Variants in GRIA3 observed in about 807,000 individuals in gnomAD.
The protein encoded by GRIA3 is glutamate ionotropic receptor AMPA type subunit 3, also known as glutamate receptor 3.
In GRIA3, 3 loss-of-function variants were observed where a neutral mutation model predicts 63.0. That is an observed-to-expected ratio of 0.05 (90% CI 0.02 to 0.12). The LOEUF (loss-of-function observed/expected upper bound fraction) is 0.12, where lower values mean the gene tolerates loss of function less well. Ranked by LOEUF, GRIA3 falls within the 10% of genes least tolerant of loss-of-function variation. GRIA3 has a pLI of 1.00. For missense variants in GRIA3, 347 were observed against 700.9 expected (o/e 0.50, Z 5.70); for synonymous variants, 274 against 257.9 (o/e 1.06, Z -0.60).
chrX:123,296,310 A>T (rs983446778), intron 3 of GRIA3, among the ~76,000 whole-genome samples: 8 of 111,158 alleles, frequency 7.2e-5, no homozygotes, highest in Admixed American at 9.6e-5. Flanking sequence ...TGCAACCTGT[A>T]CTGCCCTTGG....
Position 123,417,656 on chromosome X carries a change from C to T in GRIA3, c.1755C>T (p.Asp585=). 8.4e-7 allele frequency: 1 copy of T among 1,186,551 alleles called. No homozygotes were observed. The highest frequency in any genetic ancestry group is 1.9e-5 in the South Asian group (1 of 52,398). The change falls in exon 11 of 16, where the codon GAC becomes GAT. Residue 585 remains aspartate, a synonymous_variant. Coordinates refer to ENST00000620443, the MANE Select transcript of GRIA3 (RefSeq NM_007325.5). Reference sequence around the variant, plus strand: ...GTCCTTATGAATGGCACTTGGAAGACAACAATGAAGAACCTCGTGACCCAC... The same window carrying T: ...GTCCTTATGAATGGCACTTGGAAGATAACAATGAAGAACCTCGTGACCCAC... ...RFSPYEWHLE[D]NNEEPRDPQS...
chrX:123,457,344 C>T (rs2045767592), intron 12 of GRIA3, among the ~76,000 whole-genome samples: 1 of 111,675 alleles, frequency 9.0e-6, no homozygotes, highest in Non-Finnish European at 1.9e-5. Context: ...AGTTATATCT[C>T]TGAGGGAGGC....
chrX:123,347,296 T>C (rs1022756116), intron 4 of GRIA3, among the ~76,000 whole-genome samples: 4 of 111,985 alleles, frequency 3.6e-5, no homozygotes, highest in Admixed American at 1.9e-4. Context: ...GAACTAAGCC[T>C]CTATCATTTG....
intron 3 of GRIA3, among the ~76,000 whole-genome samples, chrX:123,318,623 T>C (rs2044848136): frequency 8.9e-6 from 1 of 111,953 alleles, no homozygotes; most frequent in South Asian, 3.8e-4. Flanking sequence ...CATCTCCATG[T>C]GAGACCACCT....
intron 3 of GRIA3, among the ~76,000 whole-genome samples, chrX:123,317,620 C>T (rs1471291939): frequency 1.8e-5 from 2 of 112,219 alleles, no homozygotes; most frequent in Non-Finnish European, 3.8e-5. Context: ...TCCTTTGACT[C>T]CAGGTCACAC....
intron 4 of GRIA3, among the ~76,000 whole-genome samples, chrX:123,341,685 A>C (rs1167572306): frequency 8.9e-6 from 1 of 112,614 alleles, no homozygotes; most frequent in Non-Finnish European, 1.9e-5. Context: ...AGAAATTAGA[A>C]TATCACGTAC....
At chrX:123,438,423 T>C (rs770584230) in intron 12 of GRIA3, among the ~76,000 whole-genome samples, 1 of 112,899 alleles carries the variant, frequency 8.9e-6, no homozygotes, top group Non-Finnish European at 1.9e-5. Flanking sequence ...GCTATAAACA[T>C]TGGCATACAA....
intron 12 of GRIA3, 43 bp downstream of exon 12, chrX:123,428,182 A>C: frequency 1.1e-6 from 1 of 906,188 alleles, no homozygotes; most frequent in African/African-American, 1.9e-5. Flanking sequence ...TATTTATTTT[A>C]TCATCTTCTC....
intron 2 of GRIA3, among the ~76,000 whole-genome samples, chrX:123,241,084 G>A (rs1338011027): frequency 9.0e-6 from 1 of 111,615 alleles, no homozygotes; most frequent in East Asian, 2.8e-4. Flanking sequence ...GAAAGGTATA[G>A]GGGTGAAGAA....
chrX:123,220,327 G>A (rs1274369257), intron 2 of GRIA3, among the ~76,000 whole-genome samples: 1 of 112,086 alleles, frequency 8.9e-6, no homozygotes, highest in Non-Finnish European at 1.9e-5. Flanking sequence ...TATGAGAAAG[G>A]CCTGGTCAAA....
chrX:123,282,402 T>C (rs1226232116), intron 3 of GRIA3, among the ~76,000 whole-genome samples: 2 of 112,251 alleles, frequency 1.8e-5, no homozygotes, highest in African/African-American at 6.5e-5. Context: ...TCCCATTTTC[T>C]TACCACAAAT....
At chrX:123,447,142 G>A (rs1475959105) in intron 12 of GRIA3, among the ~76,000 whole-genome samples, 2 of 111,577 alleles carry the variant, frequency 1.8e-5, no homozygotes, top group African/African-American at 6.5e-5. Context: ...CAGCATTTTG[G>A]GAGGCCAAGG....
intron 15 of GRIA3, among the ~76,000 whole-genome samples, chrX:123,483,868 C>T (rs1390010959): frequency 2.7e-5 from 3 of 110,481 alleles, no homozygotes; most frequent in Non-Finnish European, 3.8e-5. Context: ...GGAGGTGGAG[C>T]TTGCAGTGAG....
intron 5 of GRIA3, among the ~76,000 whole-genome samples, chrX:123,375,847 C>CTTCTAGATG (rs2045281780): frequency 8.9e-6 from 1 of 112,150 alleles, no homozygotes; most frequent in East Asian, 2.8e-4. Flanking sequence ...CACCTTTCAT[C>CTTCTAGATG]TTCTAGATGT....
chrX:123,280,333 C>G (rs912207257), intron 3 of GRIA3, among the ~76,000 whole-genome samples: 8 of 112,277 alleles, frequency 7.1e-5, no homozygotes, highest in Non-Finnish European at 1.3e-4. Context: ...TGCCTCTAAA[C>G]TGTACAAAAA....
In GRIA3 at chrX:123,486,808, G is replaced by T. The variant is rs1042471928; in HGVS notation, c.*3-1905G>T. On this transcript the variant is annotated intron_variant, in intron 15 of 15. Coordinates refer to ENST00000620443, the MANE Select transcript of GRIA3 (RefSeq NM_007325.5). The stretch of plus-strand genomic sequence containing the variant: ...CTGTCAAGGTCTATCCAGGGGCACC[G>T]ACATCAAGAGGTACCCTGAGATTTT... 4.5e-5 allele frequency among the ~76,000 whole-genome samples: 5 copies of T among 111,830 alleles called. No homozygotes were observed. In the East Asian group the frequency reaches 1.1e-3, roughly 25 times the overall value.
intron 3 of GRIA3, among the ~76,000 whole-genome samples, chrX:123,257,933 G>C (rs2044429041): frequency 8.9e-6 from 1 of 112,324 alleles, no homozygotes; most frequent in Non-Finnish European, 1.9e-5. Flanking sequence ...ACGAAAGTCT[G>C]ATTTGGGGTT....
At chrX:123,245,713 A>G (rs1434374117) in intron 2 of GRIA3, among the ~76,000 whole-genome samples, 1 of 112,009 alleles carries the variant, frequency 8.9e-6, no homozygotes, top group East Asian at 2.8e-4. Context: ...TTGACAGTGA[A>G]GAAGTCATCA....
intron 6 of GRIA3, among the ~76,000 whole-genome samples, chrX:123,397,739 CT>C (rs772982839): frequency 1.8e-5 from 2 of 112,219 alleles, no homozygotes; most frequent in South Asian, 3.7e-4. Flanking sequence ...AGAACTCCCC[CT>C]GGGACATTTT....
Sources: allele counts gnomAD v4.1 joint callset (sites outside exome capture counted in the v4.1 genomes callset), GRCh38; gene constraint gnomAD v4.1.1; transcripts MANE v1.5; gene names NCBI Gene and HGNC (gene_info 2026-07-23, HGNC 2026-07-21).